MED1: variants seen among roughly 807,000 people sequenced by gnomAD.
MED1 encodes the protein mediator of RNA polymerase II transcription subunit 1.
MED1 carries 17 observed loss-of-function variants against 121.3 expected under a neutral mutation model. That is an observed-to-expected ratio of 0.14 (90% CI 0.10 to 0.21). MED1 has a LOEUF of 0.21. MED1 is among the 10% of genes least tolerant of loss of function. The pLI, the probability that MED1 is intolerant of heterozygous loss-of-function variation, is 1.00. For synonymous variants in MED1, 661 were observed against 694.4 expected, an observed-to-expected ratio of 0.95 and a Z score of 0.76; for missense variants, 1,558 against 1,919.4, an observed-to-expected ratio of 0.81 and a Z score of 3.52.
intron 11 of MED1, among the ~76,000 whole-genome samples, 179 bp downstream of exon 11, chr17:39,424,448 C>G (rs1314603088): frequency 6.6e-6 from 1 of 152,100 alleles, no homozygotes; most frequent in East Asian, 1.9e-4. Context: ...AGAATGTGTT[C>G]TACGAGCCGA....
In MED1 at chr17:39,410,599, G is replaced by A; in HGVS notation, c.1622C>T (p.Pro541Leu). The A allele has an allele frequency of 6.2e-7, 1 of 1,614,172 alleles. No individual in the cohort carries two copies. Among genetic ancestry groups the A allele is most frequent in the East Asian group, 2.2e-5 (1 of 44,890 alleles). The change falls in exon 17 of 17, where the codon CCC becomes CTC. Residue 541 changes from proline to leucine, a missense_variant. Physicochemically the swap from Pro to Leu is moderately conservative, Grantham distance 98. This residue lies in a region of MED1 where 50 missense variants were observed against 134.5 expected (regional missense o/e 0.37). Transcript: ENST00000300651. The stretch of plus-strand genomic sequence containing the variant: ...GCCATACCCTGGGCTGCTAGCCGGG[G>A]GCAGGTTCTTTTTCACCATGTCTTC... ...TVEDMVKKNL[P>L]PASSPGYGMT...
At chr17:39,418,478 A>T in intron 14 of MED1, among the ~76,000 whole-genome samples, 1 of 151,596 alleles carries the variant, frequency 6.6e-6, no homozygotes, top group Non-Finnish European at 1.5e-5. Flanking sequence ...GGCAGCAGAA[A>T]GCTGTTATCA....
In MED1 at chr17:39,443,624, T is replaced by C. The variant is rs2048699610; in HGVS notation, c.137A>G (p.Lys46Arg). 2 of 1,613,596 alleles carry C rather than the reference T, an allele frequency of 1.2e-6. No homozygotes were observed. The highest frequency in any genetic ancestry group is 8.5e-7 in the Non-Finnish European group (1 of 1,179,574). ...TIKLVRQVME[K>R]RVVMSSGGHQ... is the part of the protein sequence containing the mutation. Reference sequence around the variant, plus strand: ...CCCTCCAGAACTCATCACAACCCTCTTCTCCTGTGTCAAGTGGGAAAACAT... The same window carrying C: ...CCCTCCAGAACTCATCACAACCCTCCTCTCCTGTGTCAAGTGGGAAAACAT... Residue 46 changes from lysine (K) to arginine (R), a missense_variant, in exon 3 of 17, where the codon AAG (lysine) becomes AGG (arginine). Physicochemically the swap from Lys to Arg is conservative, Grantham distance 26 (BLOSUM62 2). Transcript: ENST00000300651.
intron 13 of MED1, among the ~76,000 whole-genome samples, chr17:39,420,931 G>C (rs571233448): frequency 8.5e-4 from 129 of 151,428 alleles, no homozygotes; most frequent in Admixed American, 2.8e-3. Context: ...AAGTAGCTGG[G>C]ACTACAGGCG....
intron 13 of MED1, among the ~76,000 whole-genome samples, chr17:39,420,791 A>ATTTTT (rs71147330): frequency 3.6e-5 from 4 of 109,936 alleles, no homozygotes; most frequent in Non-Finnish European, 6.9e-5. Context: ...ACATGTGCCT[A>ATTTTT]TTTTTTTTTT....
rs1220440394 is a variant in MED1 at position 39,427,696 on chromosome 17, C to A, written c.739+5G>T. 3 of 1,576,390 alleles carry A rather than the reference C, an allele frequency of 1.9e-6. No homozygotes were observed. The highest frequency in any genetic ancestry group is 1.7e-6 in the Non-Finnish European group (2 of 1,147,820). Reference sequence around the variant, plus strand: ...CCTTTAATTCCTTTACAATTAAAGTCTTACCATTATTCTCATGCAAAATGA... The same window carrying A: ...CCTTTAATTCCTTTACAATTAAAGTATTACCATTATTCTCATGCAAAATGA... On this transcript the variant is annotated splice_donor_5th_base_variant and intron_variant, in intron 10 of 16. Coordinates refer to ENST00000300651, the MANE Select transcript of MED1 (RefSeq NM_004774.4).
At position 39,418,085 on chromosome 17, in the gene MED1, CAAAAAAAAAAA is replaced by C. The variant is rs760116991; in HGVS notation, c.1297+1621_1297+1631del. Among the ~76,000 whole-genome samples, 6 of 55,638 alleles carry C rather than the reference CAAAAAAAAAAA, an allele frequency of 1.1e-4. No homozygotes were observed. In the East Asian group the frequency reaches 1.7e-3, roughly 15 times the overall value. The allele number at this position is 55,638 out of a possible 152,430, so 36.5% of individuals were successfully genotyped here. ...TGGGGAACAGAGTGAGACTCCGTCT[CAAAAAAAAAAA>C]AAAAAAAAAAAAAATTCATCAGCAT... is the stretch of plus-strand genomic sequence containing the variant. On this transcript the variant is annotated intron_variant, in intron 14 of 16. Coordinates refer to ENST00000300651, the MANE Select transcript of MED1 (RefSeq NM_004774.4).
In MED1 at chr17:39,423,329, C is replaced by G. The variant is rs772743649; in HGVS notation, c.1093G>C (p.Ala365Pro). The G allele has an allele frequency of 6.3e-7, 1 of 1,593,690 alleles. No homozygotes were observed. The highest frequency in any genetic ancestry group is 8.6e-7 in the Non-Finnish European group (1 of 1,161,596). ...TAGCTCCCTAGGGCTTTACTTACAGCATAAAATCTCATGTTGTGATTCAAA... is the reference window on the plus strand; with the variant it reads ...TAGCTCCCTAGGGCTTTACTTACAGGATAAAATCTCATGTTGTGATTCAAA... ...IPLNHNMRFY[A>P]ALPGQQHCYF... Residue 365 changes from alanine (A) to proline (P), a missense_variant and splice_region_variant, in exon 13 of 17, where the codon GCT becomes CCT. Around this residue, in one of 5 missense-constraint regions of MED1, gnomAD observed 443 missense variants for 532.4 expected, o/e 0.83. Coordinates refer to ENST00000300651, the MANE Select transcript of MED1 (RefSeq NM_004774.4).
Position 39,409,910 on chromosome 17 carries a change from T to C in MED1, c.2311A>G (p.Ser771Gly). The C allele has an allele frequency of 6.2e-7, 1 of 1,614,170 alleles. No individual in the cohort carries two copies. Among genetic ancestry groups the C allele is most frequent in the Non-Finnish European group, 8.5e-7 (1 of 1,180,022 alleles). ...ACATCTGGGCCAATGCTGTCTGAACTGGATAGTCGGACCATCCTTTGAATA... is the reference window on the plus strand; with the variant it reads ...ACATCTGGGCCAATGCTGTCTGAACCGGATAGTCGGACCATCCTTTGAATA... The part of the protein sequence containing the change: ...PSIQRMVRLS[S>G]SDSIGPDVTD... Residue 771 changes from serine to glycine, a missense_variant, in exon 17 of 17, where the codon AGT (serine) becomes GGT (glycine). Around this residue, in one of 5 missense-constraint regions of MED1, gnomAD observed 793 missense variants for 898.2 expected, o/e 0.88. Transcript: ENST00000300651.
intron 5 of MED1, 108 bp from the exon 6 acceptor site, chr17:39,439,301 T>C: frequency 2.6e-6 from 2 of 776,132 alleles, no homozygotes; most frequent in Non-Finnish European, 4.0e-6. Context: ...ACAAAACCAT[T>C]AAAACTACAG....
rs760621769 is a variant in MED1, at chr17:39,422,507, G to A, written c.1095+820C>T. Among the ~76,000 whole-genome samples, 12 of 101,562 alleles carry A rather than the reference G, an allele frequency of 1.2e-4. No individual in the cohort carries two copies. In the South Asian group the frequency reaches 3.1e-3, roughly 26 times the overall value. 66.6% of individuals were successfully genotyped at this position (101,562 alleles called of 152,430 possible). The stretch of plus-strand genomic sequence containing the variant: ...TTTTTTTTTTTTGAGACGGAATTTC[G>A]CTCTTGTTGCCCAGGCTGGAGTGCA... On this transcript the variant is annotated intron_variant, in intron 13 of 16. Transcript: ENST00000300651.
At chr17:39,420,565 T>G (rs1005347100) in intron 13 of MED1, among the ~76,000 whole-genome samples, 2 of 152,050 alleles carry the variant, frequency 1.3e-5, no homozygotes, top group South Asian at 2.1e-4. Context: ...TGGTAACCAC[T>G]ACTTTAGTCT....
intron 6 of MED1, among the ~76,000 whole-genome samples, chr17:39,434,892 C>T (rs1406062975): frequency 6.6e-6 from 1 of 152,112 alleles, no homozygotes; most frequent in East Asian, 1.9e-4. Flanking sequence ...AAGGGCCAGG[C>T]ACAGTCCTCG....
Position 39,410,414 on chromosome 17 carries a change from T to C in MED1, c.1807A>G (p.Ile603Val), listed in dbSNP as rs1443420601. Residue 603 changes from isoleucine (I) to valine (V), a missense_variant, in exon 17 of 17, where the codon ATT becomes GTT. Ile to Val is a conservative substitution (Grantham distance 29). Coordinates refer to ENST00000300651, the MANE Select transcript of MED1 (RefSeq NM_004774.4). ...EDFSKVSQNPILTSLLQITGN... is the reference protein window; with the variant it reads ...EDFSKVSQNPVLTSLLQITGN... The stretch of plus-strand genomic sequence containing the variant: ...GTGATTTGCAACAAACTGGTAAGAA[T>C]TGGGTTCTGAGACACCTTGCTGAAG... 3.7e-6 allele frequency: 6 copies of C among 1,613,914 alleles called. No individual in the cohort carries two copies. Among genetic ancestry groups the C allele is most frequent in the South Asian group, 1.1e-5 (1 of 91,072 alleles).
chr17:39,427,590 T>C (rs1240635560), intron 10 of MED1, 111 bp downstream of exon 10: 18 of 694,272 alleles, frequency 2.6e-5, no homozygotes, highest in Non-Finnish European at 4.0e-5. Context: ...GTTGTGTGTA[T>C]AAGGTGCAAA....
At chr17:39,419,955 T>C in intron 13 of MED1, 37 bp from the exon 14 acceptor site, 1 of 1,582,112 alleles carries the variant, frequency 6.3e-7, no homozygotes. Context: ...GCTATTTAGT[T>C]ACCTATTGTA....
At chr17:39,437,560 C>A (rs2048631960) in intron 6 of MED1, among the ~76,000 whole-genome samples, 1 of 151,972 alleles carries the variant, frequency 6.6e-6, no homozygotes, top group Non-Finnish European at 1.5e-5. Context: ...TCCAAATTGT[C>A]ATTAGTACCA....
chr17:39,417,019 C>T (rs1206896721), intron 14 of MED1, among the ~76,000 whole-genome samples: 1 of 152,040 alleles, frequency 6.6e-6, no homozygotes. Context: ...ATCTCGATAA[C>T]AGAGCAAGAC....
intron 2 of MED1, among the ~76,000 whole-genome samples, chr17:39,446,449 C>CAAA (rs71300068): frequency 6.5e-5 from 4 of 61,910 alleles, no homozygotes; most frequent in Non-Finnish European, 8.6e-5. Flanking sequence ...CACTCCATCT[C>CAAA]AAAAAAAAAA....
Sources: gnomAD v4.1 joint callset for allele counts (sites outside exome capture counted in the v4.1 genomes callset) on GRCh38, gnomAD v4.1.1 for gene constraint, gnomAD v4.1.1 regional missense constraint, MANE v1.5 for transcripts, NCBI Gene and HGNC (gene_info 2026-07-23, HGNC 2026-07-21) for gene names.